The following FMNL2 variants were observed in gnomAD, a reference collection of about 807,000 sequenced individuals.
FMNL2 encodes formin like 2.
In FMNL2, 51 loss-of-function variants were observed where a neutral mutation model predicts 130.2. The observed-to-expected ratio is 0.39, with a 90% confidence interval of 0.31 to 0.49. The LOEUF (loss-of-function observed/expected upper bound fraction) is 0.49, where lower values mean the gene tolerates loss of function less well. Ranked by LOEUF, FMNL2 falls within the 20% of genes least tolerant of loss-of-function variation. The probability of loss-of-function intolerance (pLI) is 0.85; values close to 1 mark genes in which losing one functional copy is unlikely to be tolerated. For missense variants in FMNL2, 977 were observed against 1,316.2 expected (o/e 0.74, Z 3.99); for synonymous variants, 465 against 467.1 (o/e 1.00, Z 0.06).
chr2:152,436,685 A>C (rs1687787128), intron 1 of FMNL2, among the ~76,000 whole-genome samples: 1 of 152,118 alleles, frequency 6.6e-6, no homozygotes, highest in African/African-American at 2.4e-5. Context: ...CCTGGAAGTG[A>C]CGTATATCAC....
rs1450383014 is a variant in FMNL2 at position 152,358,050 on chromosome 2, G to A, written c.117+22330G>A. 2.0e-5 allele frequency among the ~76,000 whole-genome samples: 3 copies of A among 152,200 alleles called. No individual in the cohort carries two copies. The East Asian group carries it at 5.8e-4, about 29-fold the overall frequency. On this transcript the variant is annotated intron_variant, in intron 1 of 25. Coordinates refer to ENST00000288670, the MANE Select transcript of FMNL2 (RefSeq NM_052905.4). The stretch of plus-strand genomic sequence containing the variant: ...CAGCTGCCAGTGTGGCTAGAATAAA[G>A]CAGACAGAAGAAGATGGAAGAGCTG...
intron 2 of FMNL2, among the ~76,000 whole-genome samples, chr2:152,530,040 C>A (rs1693604483): frequency 6.6e-6 from 1 of 152,128 alleles, no homozygotes; most frequent in Non-Finnish European, 1.5e-5. Flanking sequence ...CCTAGCAATA[C>A]AAATGGAATT....
chr2:152,398,497 G>A (rs897293076), intron 1 of FMNL2, among the ~76,000 whole-genome samples: 6 of 152,122 alleles, frequency 3.9e-5, no homozygotes, highest in Non-Finnish European at 7.4e-5. Context: ...TTGGAATTTT[G>A]GATGACTGAA....
chr2:152,336,092 A>C lies in FMNL2; in HGVS notation c.117+372A>C, dbSNP rs796939733. 5.5e-3 allele frequency among the ~76,000 whole-genome samples: 731 copies of C among 132,336 alleles called. 4 individuals carry two copies. Among genetic ancestry groups the C allele is most frequent in the Non-Finnish European group, 8.9e-3 (535 of 60,390 alleles). 86.8% of individuals were successfully genotyped at this position (132,336 alleles called of 152,430 possible). On this transcript the variant is annotated intron_variant, in intron 1 of 25. Transcript: ENST00000288670. The stretch of plus-strand genomic sequence containing the variant: ...GAGCCGCTTAGGCTTTTTTTTTAAA[A>C]AAAACAAAACAAAACAAAACAAAAC...
chr2:152,605,035 TA>T (rs1430954834), intron 9 of FMNL2, among the ~76,000 whole-genome samples: 1 of 151,738 alleles, frequency 6.6e-6, no homozygotes, highest in Non-Finnish European at 1.5e-5. Context: ...ACTGATGTCA[TA>T]GTCTAGGGAG....
chr2:152,422,236 T>C (rs1686959829), intron 1 of FMNL2, among the ~76,000 whole-genome samples: 1 of 152,194 alleles, frequency 6.6e-6, no homozygotes, highest in Non-Finnish European at 1.5e-5. Flanking sequence ...TCCCAGAAGC[T>C]GAAAGCCTCC....
At position 152,558,394 on chromosome 2, in the gene FMNL2, A is replaced by G. The variant is rs1034718179; in HGVS notation, c.360-346A>G. The stretch of plus-strand genomic sequence containing the variant: ...ATTGTCCATAGTCTTGCTTCCTTCC[A>G]CAAGCAGGCTGTAGATCAATTGTGG... On this transcript the variant is annotated intron_variant, in intron 4 of 25. Coordinates refer to ENST00000288670, the MANE Select transcript of FMNL2 (RefSeq NM_052905.4). Among the ~76,000 whole-genome samples the G allele has an allele frequency of 5.3e-5, 8 of 152,282 alleles. No homozygotes were observed. In the South Asian group the frequency reaches 1.7e-3, roughly 32 times the overall value.
chr2:152,585,441 T>C (rs1051076756), intron 9 of FMNL2, among the ~76,000 whole-genome samples: 1 of 152,186 alleles, frequency 6.6e-6, no homozygotes, highest in Non-Finnish European at 1.5e-5. Context: ...TTTGGATATT[T>C]ATATTAGTTC....
intron 9 of FMNL2, 82 bp from the exon 10 acceptor site, chr2:152,607,257 T>C: frequency 8.9e-7 from 1 of 1,123,294 alleles, no homozygotes; most frequent in Non-Finnish European, 1.3e-6. Flanking sequence ...CTGGAAATCA[T>C]TATTAAGCTG....
intron 4 of FMNL2, among the ~76,000 whole-genome samples, chr2:152,558,161 T>G (rs745914742): frequency 6.6e-6 from 1 of 152,222 alleles, no homozygotes; most frequent in Non-Finnish European, 1.5e-5. Context: ...TAGTATGCGG[T>G]GCCTGCAGCT....
At chr2:152,389,379 C>T (rs562172686) in intron 1 of FMNL2, among the ~76,000 whole-genome samples, 15 of 152,052 alleles carry the variant, frequency 9.9e-5, no homozygotes, top group African/African-American at 1.7e-4. Flanking sequence ...GGGCACTAAT[C>T]GCATTTACGA....
At chr2:152,540,460 TTA>T (rs1213947491) in intron 2 of FMNL2, among the ~76,000 whole-genome samples, 1 of 152,150 alleles carries the variant, frequency 6.6e-6, no homozygotes, top group African/African-American at 2.4e-5. Flanking sequence ...TGTTCTTTTT[TTA>T]AAAGCAGCTT....
intron 1 of FMNL2, among the ~76,000 whole-genome samples, chr2:152,346,506 C>CA (rs1359699416): frequency 6.6e-6 from 1 of 151,554 alleles, no homozygotes; most frequent in East Asian, 2.0e-4. Context: ...AAACCACACA[C>CA]AAAAAAACTG....
At chr2:152,530,101 G>A (rs1217395609) in intron 2 of FMNL2, among the ~76,000 whole-genome samples, 1 of 152,156 alleles carries the variant, frequency 6.6e-6, no homozygotes, top group Non-Finnish European at 1.5e-5. Context: ...AATTGCCTGA[G>A]CTGGCTTAGA....
chr2:152,636,736 G>A (rs936253107), intron 22 of FMNL2, 146 bp downstream of exon 22: 18 of 1,015,858 alleles, frequency 1.8e-5, no homozygotes, highest in Non-Finnish European at 2.5e-5. Context: ...TTTATTACGG[G>A]GGGACCATTC....
intron 1 of FMNL2, among the ~76,000 whole-genome samples, chr2:152,438,862 A>G (rs1416229536): frequency 1.3e-5 from 2 of 152,200 alleles, no homozygotes; most frequent in Non-Finnish European, 2.9e-5. Flanking sequence ...ATACTCTTTC[A>G]TAAAGTAAAA....
In FMNL2 at chr2:152,344,318, C is replaced by T. The variant is rs553494482; in HGVS notation, c.117+8598C>T. On this transcript the variant is annotated intron_variant, in intron 1 of 25. Transcript: ENST00000288670. ...GACAGCCACTGTGCTAGATGTTTTC[C>T]CCCTTTTTCTTCCTACCCCAAAGAC... Among the ~76,000 whole-genome samples the T allele has an allele frequency of 6.6e-5, 10 of 152,182 alleles. No individual in the cohort carries two copies. In the South Asian group the frequency reaches 1.2e-3, roughly 19 times the overall value.
At chr2:152,605,333 TA>T (rs1698309261) in intron 9 of FMNL2, among the ~76,000 whole-genome samples, 2 of 151,862 alleles carry the variant, frequency 1.3e-5, no homozygotes, top group African/African-American at 4.8e-5. Flanking sequence ...TGTGTGTGTG[TA>T]TTTTTGAGAC....
chr2:152,592,313 T>C (rs1483584596), intron 9 of FMNL2, among the ~76,000 whole-genome samples: 1 of 152,220 alleles, frequency 6.6e-6, no homozygotes, highest in Non-Finnish European at 1.5e-5. Context: ...TTAGGTGTTA[T>C]TGACAATGAA....
Sources: gnomAD v4.1 joint callset for allele counts (sites outside exome capture counted in the v4.1 genomes callset) on GRCh38, gnomAD v4.1.1 for gene constraint, MANE v1.5 for transcripts, NCBI Gene and HGNC (gene_info 2026-07-23, HGNC 2026-07-21) for gene names.